GULP1: variants seen among roughly 807,000 people sequenced by gnomAD.
GULP1 encodes GULP PTB domain containing engulfment adaptor 1.
Under a neutral mutation model 40.9 loss-of-function variants are expected in GULP1, and 19 were observed. That is an observed-to-expected ratio of 0.46 (90% CI 0.32 to 0.68). The LOEUF is 0.68. GULP1 is among the 30% of genes least tolerant of loss of function. The probability of loss-of-function intolerance (pLI) is 0.03; values close to 1 mark genes in which losing one functional copy is unlikely to be tolerated. For missense variants in GULP1, 312 were observed against 362.2 expected, an observed-to-expected ratio of 0.86 and a Z score of 1.12; for synonymous variants, 119 against 117.6, an observed-to-expected ratio of 1.01 and a Z score of -0.08.
At chr2:188,405,381 T>A (rs1030629125) in intron 2 of GULP1, among the ~76,000 whole-genome samples, 1 of 152,080 alleles carries the variant, frequency 6.6e-6, no homozygotes, top group South Asian at 2.1e-4. Context: ...CAGGCTTTAA[T>A]AGATTCAGGG....
At chr2:188,418,640 AT>A (rs2054922654) in intron 2 of GULP1, among the ~76,000 whole-genome samples, 1 of 152,222 alleles carries the variant, frequency 6.6e-6, no homozygotes, top group Non-Finnish European at 1.5e-5. Flanking sequence ...CTCCAAAAAA[AT>A]AAAAAAGAAA....
intron 1 of GULP1, among the ~76,000 whole-genome samples, chr2:188,361,210 C>T (rs2152373826): frequency 6.6e-6 from 1 of 152,112 alleles, no homozygotes; most frequent in African/African-American, 2.4e-5. Flanking sequence ...TCCCAGGCTT[C>T]TTTTTATCTA....
chr2:188,576,459 C>A (rs1025159792), intron 9 of GULP1, among the ~76,000 whole-genome samples: 7 of 152,118 alleles, frequency 4.6e-5, no homozygotes, highest in Non-Finnish European at 8.8e-5. Flanking sequence ...TCACTTAAAA[C>A]CAATTCACCA....
At chr2:188,545,049 A>G (rs962570976) in intron 7 of GULP1, among the ~76,000 whole-genome samples, 2 of 152,062 alleles carry the variant, frequency 1.3e-5, no homozygotes, top group African/African-American at 4.8e-5. Flanking sequence ...TCTCACCAGA[A>G]ACCATGAAGG....
chr2:188,296,095 C>CT (rs2034860495), intron 1 of GULP1, among the ~76,000 whole-genome samples: 2 of 152,044 alleles, frequency 1.3e-5, no homozygotes. Context: ...GCCATGAGCC[C>CT]TGGTCCCTAA....
chr2:188,494,280 T>G (rs986366242), intron 4 of GULP1, among the ~76,000 whole-genome samples: 6 of 152,068 alleles, frequency 3.9e-5, no homozygotes, highest in Non-Finnish European at 8.8e-5. Flanking sequence ...AGACTTCTTG[T>G]TTGTTTCAAA....
intron 2 of GULP1, among the ~76,000 whole-genome samples, chr2:188,413,939 G>A (rs1299218791): frequency 1.3e-5 from 2 of 152,034 alleles, no homozygotes; most frequent in Non-Finnish European, 2.9e-5. Context: ...AATGGGTTTA[G>A]TTGGAATGAT....
intron 1 of GULP1, among the ~76,000 whole-genome samples, chr2:188,306,433 TTTGATCTCTGTGGTATTTG>T (rs1228690255): frequency 6.6e-6 from 1 of 152,214 alleles, no homozygotes; most frequent in Non-Finnish European, 1.5e-5. Flanking sequence ...CTGTTAGACA[TTTGATCTCTGTGGTATTTG>T]TTGCTGGGGT....
intron 2 of GULP1, among the ~76,000 whole-genome samples, chr2:188,390,168 T>A (rs1003572274): frequency 6.6e-6 from 1 of 152,166 alleles, no homozygotes; most frequent in African/African-American, 2.4e-5. Flanking sequence ...AAATGTTAGA[T>A]CTACTTTTAG....
At chr2:188,582,750 G>C (rs1251475994) in intron 9 of GULP1, among the ~76,000 whole-genome samples, 1 of 152,202 alleles carries the variant, frequency 6.6e-6, no homozygotes, top group African/African-American at 2.4e-5. Flanking sequence ...GTTTCAAGTA[G>C]AGGGTGGTGA....
intron 2 of GULP1, among the ~76,000 whole-genome samples, chr2:188,401,054 T>C (rs996493381): frequency 5.9e-5 from 9 of 152,006 alleles, no homozygotes; most frequent in African/African-American, 2.2e-4. Context: ...GTGAGCATGT[T>C]CAATAGCCAG....
Position 188,292,997 on chromosome 2 carries a change from C to T in GULP1, c.-172+831C>T, listed in dbSNP as rs2034118186. The T allele has an allele frequency of 6.6e-6, 1 of 152,578 alleles. No homozygotes were observed. Among genetic ancestry groups the T allele is most frequent in the Non-Finnish European group, 1.5e-5 (1 of 68,252 alleles). The allele number at this position is 152,578 out of a possible 1,614,324, so 9.5% of individuals were successfully genotyped here. ...GAGGCTCCTGCGGCTGCCGCGCTGA[C>T]TTCCCTGTGTGCGGGAGGGAACTCT... On this transcript the variant is annotated intron_variant, in intron 1 of 11. Transcript: ENST00000409830. This position sits in a 1 kb window ranked among gnomAD's most constrained non-coding sequence, Gnocchi z 4.0.
chr2:188,589,718 T>A, intron 11 of GULP1: 1 of 1,346,628 alleles, frequency 7.4e-7, no homozygotes, highest in Non-Finnish European at 1.0e-6. Flanking sequence ...TTTAAATTCT[T>A]TACTGCTTTC....
chr2:188,297,642 C>G, intron 1 of GULP1: 1 of 392,646 alleles, frequency 2.5e-6, no homozygotes, highest in Non-Finnish European at 5.0e-6. Context: ...TGGGCTCAGT[C>G]TTCAGTCTAC....
intron 1 of GULP1, among the ~76,000 whole-genome samples, chr2:188,300,011 G>C (rs1395272509): frequency 2.0e-5 from 3 of 152,196 alleles, no homozygotes; most frequent in Admixed American, 6.5e-5. Flanking sequence ...ACATAAAGGA[G>C]TTTTAGCTGG....
At chr2:188,579,285 C>G (rs1700796077) in intron 9 of GULP1, among the ~76,000 whole-genome samples, 1 of 152,136 alleles carries the variant, frequency 6.6e-6, no homozygotes, top group Non-Finnish European at 1.5e-5. Flanking sequence ...TACCACTCAA[C>G]TATTTTCATG....
Position 188,587,888 on chromosome 2 carries a change from C to A in GULP1, c.782C>A (p.Pro261Gln). Residue 261 changes from proline (P) to glutamine (Q), a missense_variant, in exon 11 of 12, where the codon CCA (proline) becomes CAA (glutamine). Physicochemically the swap from Pro to Gln is moderately conservative, Grantham distance 76 (BLOSUM62 -1). Coordinates refer to ENST00000409830, the MANE Select transcript of GULP1 (RefSeq NM_016315.4). ...RDLFGAEPFD[P>Q]FNCGAADFPP... is the part of the protein sequence containing the mutation. ...CTGTTTGGAGCAGAACCTTTTGACC[C>A]ATTTAACTGTGGAGCAGCAGATTTC... is the stretch of plus-strand genomic sequence containing the variant. The A allele has an allele frequency of 1.9e-6, 3 of 1,610,372 alleles. No individual in the cohort carries two copies. The South Asian group carries it at 3.3e-5, about 18-fold the overall frequency.
intron 2 of GULP1, among the ~76,000 whole-genome samples, chr2:188,472,675 G>A (rs898508273): frequency 6.6e-6 from 1 of 151,956 alleles, no homozygotes; most frequent in Non-Finnish European, 1.5e-5. Context: ...TTATCTAATA[G>A]AATTCTGAAT....
intron 4 of GULP1, chr2:188,491,710 T>A (rs2062407100): frequency 6.6e-6 from 1 of 152,080 alleles, no homozygotes; most frequent in South Asian, 2.1e-4. Context: ...GAAGACAAAC[T>A]AAGATTTCTA....
Sources: allele counts gnomAD v4.1 joint callset (sites outside exome capture counted in the v4.1 genomes callset), GRCh38; gene constraint gnomAD v4.1.1; non-coding constraint Gnocchi (gnomAD v3.1); transcripts MANE v1.5; gene names NCBI Gene and HGNC (gene_info 2026-07-23, HGNC 2026-07-21).